Variants in MYO5A observed in about 807,000 individuals in gnomAD.
MYO5A encodes unconventional myosin-Va.
A neutral mutation model predicts 249.7 loss-of-function variants in MYO5A; 98 were observed. The ratio of observed to expected loss-of-function variants is 0.39; its 90% CI spans 0.33 to 0.46. The LOEUF is 0.46. Ranked by LOEUF, MYO5A falls within the 20% of genes least tolerant of loss-of-function variation. The pLI is 0.98. For missense variants in MYO5A, 1,696 were observed against 2,308.8 expected (o/e 0.73, Z 5.44); for synonymous variants, 778 against 810.6 (o/e 0.96, Z 0.68).
intron 1 of MYO5A, among the ~76,000 whole-genome samples, chr15:52,468,901 T>C (rs150442761): frequency 4.5e-4 from 69 of 152,312 alleles, no homozygotes; most frequent in Middle Eastern, 3.4e-3. Context: ...ACCTTTAATT[T>C]TGTACTTTAC....
intron 29 of MYO5A, chr15:52,346,731 A>G (rs1038318912): frequency 1.4e-5 from 7 of 509,966 alleles, no homozygotes; most frequent in Non-Finnish European, 2.2e-5. Flanking sequence ...CTGTAAATAA[A>G]ATCACTGATG....
At position 52,343,100 on chromosome 15, in the gene MYO5A, G is replaced by T; in HGVS notation, c.4040+17C>A. Reference sequence around the variant, plus strand: ...CAACAAATTAATAACATTCCATTTTGAGGAGACAAATATAACCTGTTGGCT... The same window carrying T: ...CAACAAATTAATAACATTCCATTTTTAGGAGACAAATATAACCTGTTGGCT... On this transcript the variant is annotated intron_variant, in intron 31 of 41. Transcript: ENST00000399233. 1 of 1,594,978 alleles carries T rather than the reference G, an allele frequency of 6.3e-7. No individual in the cohort carries two copies. Among genetic ancestry groups the T allele is most frequent in the Non-Finnish European group, 8.6e-7 (1 of 1,162,664 alleles).
intron 39 of MYO5A, 67 bp from the exon 40 acceptor site, chr15:52,317,289 T>C: frequency 6.7e-7 from 1 of 1,487,322 alleles, no homozygotes; most frequent in Non-Finnish European, 9.3e-7. Context: ...CTTAATTTTT[T>C]TGTGTGCGGC....
intron 12 of MYO5A, 90 bp from the exon 13 acceptor site, chr15:52,389,453 T>A (rs1007844078): frequency 1.0e-5 from 14 of 1,350,938 alleles, no homozygotes; most frequent in African/African-American, 5.9e-5. Context: ...TTTATTTTTT[T>A]TTTTTGGCTT....
intron 1 of MYO5A, among the ~76,000 whole-genome samples, chr15:52,448,197 G>C (rs1268174477): frequency 6.6e-6 from 1 of 152,230 alleles, no homozygotes; most frequent in Non-Finnish European, 1.5e-5. Flanking sequence ...GGCCTTGTGG[G>C]CCCACTCCTT....
chr15:52,359,651 T>C (rs1482780901), intron 25 of MYO5A, among the ~76,000 whole-genome samples: 2 of 152,118 alleles, frequency 1.3e-5, no homozygotes, highest in Admixed American at 1.3e-4. Flanking sequence ...TTTACCTCAG[T>C]CTGAAATAAA....
At chr15:52,479,178 A>G (rs2076663300) in intron 1 of MYO5A, among the ~76,000 whole-genome samples, 1 of 151,830 alleles carries the variant, frequency 6.6e-6, no homozygotes, top group Non-Finnish European at 1.5e-5. Flanking sequence ...GAGTTTTACC[A>G]TCTTAGCCAG....
At chr15:52,380,339 G>A (rs1281996105) in intron 16 of MYO5A, among the ~76,000 whole-genome samples, 7 of 152,066 alleles carry the variant, frequency 4.6e-5, no homozygotes, top group African/African-American at 1.7e-4. Flanking sequence ...GGGAGGCTGA[G>A]GCAGGAGAAT....
chr15:52,485,110 T>C (rs1400560919), intron 1 of MYO5A, among the ~76,000 whole-genome samples: 1 of 152,114 alleles, frequency 6.6e-6, no homozygotes, highest in Non-Finnish European at 1.5e-5. Flanking sequence ...GAACTTTCAA[T>C]AGCTAGGAAG....
intron 34 of MYO5A, among the ~76,000 whole-genome samples, chr15:52,332,114 C>A (rs1233099744): frequency 6.6e-6 from 1 of 152,162 alleles, no homozygotes; most frequent in Non-Finnish European, 1.5e-5. Flanking sequence ...AAAACCCCTG[C>A]CATCTATGCC....
chr15:52,453,869 C>T (rs2141382063), intron 1 of MYO5A, among the ~76,000 whole-genome samples: 1 of 151,636 alleles, frequency 6.6e-6, no homozygotes, highest in East Asian at 1.9e-4. Context: ...ATGAAAAATA[C>T]AGTAAAAATA....
rs201788288 is a variant in MYO5A, at chr15:52,389,369, T to C, written c.1543-6A>G. 3.1e-6 allele frequency: 5 copies of C among 1,609,720 alleles called. No individual in the cohort carries two copies. In the East Asian group the frequency reaches 8.9e-5, roughly 29 times the overall value. Reference sequence around the variant, plus strand: ...TCATCTGTGCCTTTAGGCATCTATATTCATGGAAAAAAGGAAGAAAGAAAA... The same window carrying C: ...TCATCTGTGCCTTTAGGCATCTATACTCATGGAAAAAAGGAAGAAAGAAAA... On this transcript the variant is annotated splice_polypyrimidine_tract_variant and splice_region_variant and intron_variant, in intron 12 of 41. Transcript: ENST00000399233.
At chr15:52,517,535 A>C (rs536346923) in intron 1 of MYO5A, among the ~76,000 whole-genome samples, 1 of 152,230 alleles carries the variant, frequency 6.6e-6, no homozygotes, top group South Asian at 2.1e-4. Context: ...AAGTACAAAA[A>C]ATTAGCTAGG....
chr15:52,505,244 T>C, intron 1 of MYO5A: 1 of 775,006 alleles, frequency 1.3e-6, no homozygotes, highest in African/African-American at 1.7e-5. Flanking sequence ...AATGATTACC[T>C]GACAGACAAG....
At position 52,364,649 on chromosome 15, in the gene MYO5A, T is replaced by C; in HGVS notation, c.3214A>G (p.Asn1072Asp). The change falls in exon 24 of 42, where the codon AAT (asparagine) becomes GAT (aspartate). Residue 1072 changes from asparagine (N) to aspartate (D), a missense_variant. By Grantham distance (23) the Asn-to-Asp change is conservative. This residue lies in a region of MYO5A where 412 missense variants were observed against 453.3 expected (regional missense o/e 0.91). Transcript: ENST00000399233. The part of the protein sequence containing the change: ...EETKQLELDL[N>D]DERLRYQNLL... Reference sequence around the variant, plus strand: ...TTCTGATATCTCAGCCTTTCATCATTAAGGTCGAGTTCCAGTTGTTTCGTT... The same window carrying C: ...TTCTGATATCTCAGCCTTTCATCATCAAGGTCGAGTTCCAGTTGTTTCGTT... 1 of 1,613,900 alleles carries C rather than the reference T, an allele frequency of 6.2e-7. No homozygotes were observed. The highest frequency in any genetic ancestry group is 8.5e-7 in the Non-Finnish European group (1 of 1,179,834).
chr15:52,508,675 A>T (rs1025738828), intron 1 of MYO5A, among the ~76,000 whole-genome samples: 1 of 152,154 alleles, frequency 6.6e-6, no homozygotes, highest in African/African-American at 2.4e-5. Context: ...CATAGCTGGT[A>T]ACACACATGT....
chr15:52,401,562 G>A (rs1204106995), intron 9 of MYO5A, among the ~76,000 whole-genome samples: 1 of 152,118 alleles, frequency 6.6e-6, no homozygotes, highest in African/African-American at 2.4e-5. Flanking sequence ...TTCTTCAAGG[G>A]CAGTCTCTTA....
intron 1 of MYO5A, among the ~76,000 whole-genome samples, chr15:52,466,467 A>C (rs1484985447): frequency 6.6e-6 from 1 of 152,202 alleles, no homozygotes; most frequent in African/African-American, 2.4e-5. Flanking sequence ...ACGAGAAGCA[A>C]ACTGTAGTGA....
At chr15:52,466,556 C>T (rs928090973) in intron 1 of MYO5A, among the ~76,000 whole-genome samples, 3 of 152,194 alleles carry the variant, frequency 2.0e-5, no homozygotes, top group African/African-American at 7.2e-5. Context: ...AAGAGGGAAG[C>T]AGGTCCCATG....
Sources: allele counts gnomAD v4.1 joint callset (sites outside exome capture counted in the v4.1 genomes callset), GRCh38; gene constraint gnomAD v4.1.1; regional missense constraint gnomAD v4.1.1; transcripts MANE v1.5; gene names NCBI Gene and HGNC (gene_info 2026-07-23, HGNC 2026-07-21).